The following PAMR1 variants were observed in gnomAD, a reference collection of about 807,000 sequenced individuals.
PAMR1 encodes peptidase domain containing associated with muscle regeneration 1, also known as inactive serine protease PAMR1.
A neutral mutation model predicts 81.8 loss-of-function variants in PAMR1; 88 were observed. That is an observed-to-expected ratio of 1.08 (90% CI 0.91 to 1.28). The LOEUF (loss-of-function observed/expected upper bound fraction) is 1.28. Ranked by LOEUF, PAMR1 falls within the 50% of genes most tolerant of loss-of-function variation. PAMR1 has a pLI of 0.00. For synonymous variants in PAMR1, 336 were observed against 345.3 expected (o/e 0.97, Z 0.30); for missense variants, 935 against 919.7 (o/e 1.02, Z -0.21).
chr11:35,488,374 A>G lies in PAMR1; in HGVS notation c.379+3671T>C, dbSNP rs938656. On this transcript the variant is annotated intron_variant, in intron 3 of 10. Coordinates refer to ENST00000619888, the MANE Select transcript of PAMR1 (RefSeq NM_001001991.3). ...GCCAGAACTACAGGCATGCACCACC[A>G]TGCCTGGCTGAATTTTTTTAATATT... Among the ~76,000 whole-genome samples the G allele has an allele frequency of 4.5e-3, 681 of 151,886 alleles. 4 individuals carry two copies. The highest frequency in any genetic ancestry group is 0.015 in the African/African-American group (632 of 41,446).
In PAMR1 at chr11:35,436,140, G is replaced by C; in HGVS notation, c.1101-5C>G. 1 of 1,599,956 alleles carries C rather than the reference G, an allele frequency of 6.3e-7. No individual in the cohort carries two copies. Among genetic ancestry groups the C allele is most frequent in the Non-Finnish European group, 8.6e-7 (1 of 1,167,478 alleles). On this transcript the variant is annotated splice_region_variant and splice_polypyrimidine_tract_variant and intron_variant, in intron 8 of 10. Transcript: ENST00000619888. ...AGCTGGTGTAATGGTGTCTCCCTGG[G>C]TCAGGAAACATGGGCCCAGAGAAAG...
chr11:35,459,580 T>G (rs985112087), intron 6 of PAMR1, among the ~76,000 whole-genome samples: 1 of 152,146 alleles, frequency 6.6e-6, no homozygotes, highest in African/African-American at 2.4e-5. Context: ...GGCATTTCTG[T>G]TCTGTTTAGC....
At chr11:35,457,123 G>A (rs141118611) in intron 6 of PAMR1, among the ~76,000 whole-genome samples, 1 of 152,256 alleles carries the variant, frequency 6.6e-6, no homozygotes, top group Non-Finnish European at 1.5e-5. Context: ...ATCTTGTTAA[G>A]CATTATATCT....
At chr11:35,444,151 T>C (rs899476241) in intron 6 of PAMR1, among the ~76,000 whole-genome samples, 2 of 152,272 alleles carry the variant, frequency 1.3e-5, no homozygotes, top group East Asian at 3.9e-4. Context: ...CCAGTACCTT[T>C]GAGAAGTGTC....
chr11:35,477,737 A>G (rs1167060327), intron 3 of PAMR1, among the ~76,000 whole-genome samples: 5 of 152,194 alleles, frequency 3.3e-5, no homozygotes, highest in African/African-American at 9.6e-5. Context: ...TCTGTCTAGT[A>G]TCAACGCTGA....
chr11:35,468,139 C>A (rs200705378), intron 5 of PAMR1, 31 bp from the exon 6 acceptor site: 2 of 1,368,194 alleles, frequency 1.5e-6, no homozygotes, highest in East Asian at 5.0e-5. Context: ...TTCAGTGCCA[C>A]TATACATTGA....
At chr11:35,512,188 T>C (rs1851086788) in intron 1 of PAMR1, among the ~76,000 whole-genome samples, 1 of 152,200 alleles carries the variant, frequency 6.6e-6, no homozygotes, top group East Asian at 1.9e-4. Context: ...AAAATGAATG[T>C]GTTGCTTTCT....
rs1851369834 is a variant in PAMR1, at chr11:35,525,534, G to A, written c.52C>T (p.Leu18Phe). Reference sequence around the variant, plus strand: ...GTACCTCTTGGCAAGGACGAGATGAGAAGGAGCTGAAGAAAAGTGAGCCCC... The same window carrying A: ...GTACCTCTTGGCAAGGACGAGATGAAAAGGAGCTGAAGAAAAGTGAGCCCC... The part of the protein sequence containing the change: ...QLGLTFLQLL[L>F]ISSLPREYTV... The change falls in exon 1 of 11, where the codon CTC becomes TTC. Residue 18 changes from leucine (L) to phenylalanine (F), a missense_variant. Leu to Phe is a conservative substitution (Grantham distance 22, BLOSUM62 0). Coordinates refer to ENST00000619888, the MANE Select transcript of PAMR1 (RefSeq NM_001001991.3). 1 of 1,613,866 alleles carries A rather than the reference G, an allele frequency of 6.2e-7. No individual in the cohort carries two copies. Among genetic ancestry groups the A allele is most frequent in the South Asian group, 1.1e-5 (1 of 91,060 alleles).
intron 4 of PAMR1, among the ~76,000 whole-genome samples, chr11:35,473,843 A>G (rs771395178): frequency 6.6e-6 from 1 of 152,208 alleles, no homozygotes; most frequent in Non-Finnish European, 1.5e-5. Flanking sequence ...TAAAATGAGA[A>G]GAGCTAAGTG....
chr11:35,496,059 C>T (rs1314174377), intron 1 of PAMR1, among the ~76,000 whole-genome samples: 1 of 152,164 alleles, frequency 6.6e-6, no homozygotes, highest in African/African-American at 2.4e-5. Flanking sequence ...AGGGTGACCA[C>T]CATGACTTAC....
chr11:35,495,102 C>T (rs1415222249), intron 1 of PAMR1, among the ~76,000 whole-genome samples: 1 of 152,226 alleles, frequency 6.6e-6, no homozygotes, highest in Non-Finnish European at 1.5e-5. Context: ...AGTCTCCACA[C>T]CAGGTCATTC....
In PAMR1 at chr11:35,511,744, C is replaced by A. The variant is rs1851075876; in HGVS notation, c.73+13769G>T. On this transcript the variant is annotated intron_variant, in intron 1 of 10. Transcript: ENST00000619888. ...GCTCCTCACCCATCCCTACTCACTGCCCCCTCATCTTGTGCTGTCTGAATC... is the reference window on the plus strand; with the variant it reads ...GCTCCTCACCCATCCCTACTCACTGACCCCTCATCTTGTGCTGTCTGAATC... 2.6e-5 allele frequency among the ~76,000 whole-genome samples: 4 copies of A among 152,212 alleles called. No individual in the cohort carries two copies. The South Asian group carries it at 8.3e-4, about 32-fold the overall frequency.
intron 6 of PAMR1, among the ~76,000 whole-genome samples, chr11:35,456,111 C>A (rs1856525713): frequency 6.6e-6 from 1 of 152,192 alleles, no homozygotes; most frequent in Admixed American, 6.5e-5. Context: ...AGAGAGAGAG[C>A]AAGAGTAGGG....
At chr11:35,440,058 C>T (rs1349747123) in intron 7 of PAMR1, among the ~76,000 whole-genome samples, 1 of 152,208 alleles carries the variant, frequency 6.6e-6, no homozygotes, top group Non-Finnish European at 1.5e-5. Context: ...ACATAGCCCA[C>T]ATGGGGAATT....
chr11:35,511,549 A>G (rs61879560), intron 1 of PAMR1, among the ~76,000 whole-genome samples: 5,242 of 152,284 alleles, frequency 0.034, 130 homozygotes, highest in Non-Finnish European at 0.049. Flanking sequence ...CTTGATGTTA[A>G]AACCTACCTT....
chr11:35,493,737 T>C (rs903600127), intron 2 of PAMR1, among the ~76,000 whole-genome samples: 1 of 152,200 alleles, frequency 6.6e-6, no homozygotes, highest in Non-Finnish European at 1.5e-5. Context: ...TACTACACTG[T>C]ATGGTAGCTG....
chr11:35,470,594 C>A lies in PAMR1; in HGVS notation c.712+7G>T. 6.2e-7 allele frequency: 1 copy of A among 1,610,884 alleles called. No homozygotes were observed. Among genetic ancestry groups the A allele is most frequent in the Non-Finnish European group, 8.5e-7 (1 of 1,177,110 alleles). On this transcript the variant is annotated splice_region_variant and intron_variant, in intron 5 of 10. Coordinates refer to ENST00000619888, the MANE Select transcript of PAMR1 (RefSeq NM_001001991.3). Reference sequence around the variant, plus strand: ...TAAAATGCCACATTTGTCTCCTTGGCCTTTACCTGTGATCTCCTCATAAAT... The same window carrying A: ...TAAAATGCCACATTTGTCTCCTTGGACTTTACCTGTGATCTCCTCATAAAT...
At chr11:35,474,476 G>C (rs1287205317) in intron 4 of PAMR1, among the ~76,000 whole-genome samples, 154 bp downstream of exon 4, 2 of 152,226 alleles carry the variant, frequency 1.3e-5, no homozygotes, top group African/African-American at 4.8e-5. Context: ...GTTGGCTGCA[G>C]TTTCAGCCAG....
intron 3 of PAMR1, among the ~76,000 whole-genome samples, chr11:35,490,902 A>G (rs1313655044): frequency 6.6e-6 from 1 of 152,186 alleles, no homozygotes; most frequent in African/African-American, 2.4e-5. Context: ...GACAGACAAA[A>G]TCATTATTTA....
Sources: gnomAD v4.1 joint callset for allele counts (sites outside exome capture counted in the v4.1 genomes callset) on GRCh38, gnomAD v4.1.1 for gene constraint, MANE v1.5 for transcripts, NCBI Gene and HGNC (gene_info 2026-07-23, HGNC 2026-07-21) for gene names.